The following ZNF536 variants were observed in gnomAD, a reference collection of about 807,000 sequenced individuals.
The protein encoded by ZNF536 is zinc finger protein 536.
A neutral mutation model predicts 84.5 loss-of-function variants in ZNF536; 13 were observed. The observed-to-expected ratio is 0.15, with a 90% CI of 0.10 to 0.24. The LOEUF (loss-of-function observed/expected upper bound fraction) is 0.24, where lower values mean the gene tolerates loss of function less well. ZNF536 is among the 10% of genes least tolerant of loss of function. The pLI, the probability that ZNF536 is intolerant of heterozygous loss-of-function variation, is 1.00. For synonymous variants in ZNF536, 811 were observed against 742.5 expected, an observed-to-expected ratio of 1.09 and a Z score of -1.50; for missense variants, 1,536 against 1,747.5, an observed-to-expected ratio of 0.88 and a Z score of 2.16.
chr19:30,264,530 A>G (rs2025400173), intron 1 of ZNF536, among the ~76,000 whole-genome samples: 2 of 152,178 alleles, frequency 1.3e-5, no homozygotes, highest in Non-Finnish European at 2.9e-5. Flanking sequence ...TGGATTTTGT[A>G]TATGTTAAAT....
At chr19:30,348,089 C>A (rs1022375123) in intron 2 of ZNF536, among the ~76,000 whole-genome samples, 1 of 152,248 alleles carries the variant, frequency 6.6e-6, no homozygotes, top group Non-Finnish European at 1.5e-5. Context: ...TTAATTCATG[C>A]ATTTATTACT....
chr19:30,669,679 C>T (rs1009649438), intron 1 of ZNF536, among the ~76,000 whole-genome samples: 2 of 152,222 alleles, frequency 1.3e-5, no homozygotes, highest in Non-Finnish European at 2.9e-5. Flanking sequence ...CTGAAAGAAG[C>T]TTGCAGGGGG....
intron 1 of ZNF536, among the ~76,000 whole-genome samples, chr19:30,377,892 GGAGTTGC>G (rs1195858781): frequency 2.6e-5 from 4 of 152,246 alleles, no homozygotes; most frequent in African/African-American, 9.6e-5. Flanking sequence ...TATTCAAGAT[GGAGTTGC>G]TCTGGTTCAC....
At chr19:30,577,559 G>A (rs2046783467) in intron 1 of ZNF536, among the ~76,000 whole-genome samples, 1 of 151,974 alleles carries the variant, frequency 6.6e-6, no homozygotes, top group African/African-American at 2.4e-5. Flanking sequence ...TTTAGATATG[G>A]CCATGGTACA....
intron 2 of ZNF536, among the ~76,000 whole-genome samples, chr19:30,532,022 A>T (rs1243653832): frequency 6.6e-6 from 1 of 152,122 alleles, no homozygotes; most frequent in Non-Finnish European, 1.5e-5. Flanking sequence ...GCTTTATTCC[A>T]CAGTGGCTCC....
intron 1 of ZNF536, among the ~76,000 whole-genome samples, chr19:30,425,258 T>C (rs1322738731): frequency 1.4e-5 from 2 of 147,614 alleles, no homozygotes; most frequent in Admixed American, 6.7e-5. Flanking sequence ...AAAACAAAGA[T>C]GGGAGTGCCT....
intron 1 of ZNF536, among the ~76,000 whole-genome samples, chr19:30,589,822 C>A (rs576231496): frequency 1.3e-5 from 2 of 152,002 alleles, no homozygotes; most frequent in African/African-American, 4.8e-5. Flanking sequence ...TCCAGCCTGC[C>A]CTGTGTGCAG....
intron 1 of ZNF536, among the ~76,000 whole-genome samples, chr19:30,600,898 G>A (rs998867439): frequency 2.0e-5 from 3 of 152,210 alleles, no homozygotes; most frequent in East Asian, 1.9e-4. Flanking sequence ...CTTTTGTTCC[G>A]TTGATTCCTG....
chr19:30,585,490 A>C (rs1352009600), intron 1 of ZNF536, among the ~76,000 whole-genome samples: 1 of 152,208 alleles, frequency 6.6e-6, no homozygotes, highest in Non-Finnish European at 1.5e-5. Flanking sequence ...TAGAGCCATG[A>C]CTGTGGCCCT....
At chr19:30,537,340 G>C (rs1191333485) in intron 3 of ZNF536, among the ~76,000 whole-genome samples, 1 of 152,214 alleles carries the variant, frequency 6.6e-6, no homozygotes, top group Admixed American at 6.5e-5. Context: ...CAGACTGCCA[G>C]GATACGGGAG....
Position 30,576,241 on chromosome 19 carries a change from G to A in ZNF536, c.169+26727G>A, listed in dbSNP as rs148094295. Among the ~76,000 whole-genome samples, 12 of 152,284 alleles carry A rather than the reference G, an allele frequency of 7.9e-5. No individual in the cohort carries two copies. In the East Asian group the frequency reaches 1.2e-3, roughly 15 times the overall value. On this transcript the variant is annotated intron_variant, in intron 1 of 1. Transcript: ENST00000592773. The stretch of plus-strand genomic sequence containing the variant: ...CCCATGGGTGGGAAGGTAGGAGGCC[G>A]GGAAGGAGGCTGTTGTGGTGACTGA...
chr19:30,613,829 A>G (rs1409423463), intron 1 of ZNF536, among the ~76,000 whole-genome samples: 1 of 144,858 alleles, frequency 6.9e-6, no homozygotes, highest in Non-Finnish European at 1.5e-5. Flanking sequence ...AACACATCAT[A>G]TTTGCAGTTC....
chr19:30,380,043 C>T (rs912315855), intron 1 of ZNF536, among the ~76,000 whole-genome samples: 2 of 152,186 alleles, frequency 1.3e-5, no homozygotes, highest in African/African-American at 2.4e-5. Flanking sequence ...AGGCCACCAC[C>T]GCCGAGGACA....
chr19:30,505,923 C>T (rs2055158409), intron 2 of ZNF536, among the ~76,000 whole-genome samples: 1 of 152,128 alleles, frequency 6.6e-6, no homozygotes, highest in African/African-American at 2.4e-5. Flanking sequence ...TCCTCAACCT[C>T]CCAAAGTGCT....
chr19:30,247,233 T>C (rs1284217400), intron 1 of ZNF536, among the ~76,000 whole-genome samples: 1 of 152,240 alleles, frequency 6.6e-6, no homozygotes, highest in African/African-American at 2.4e-5. Flanking sequence ...CAGTTCATAG[T>C]CAAACACAGG....
chr19:30,331,216 T>A (rs2047198498), intron 2 of ZNF536, among the ~76,000 whole-genome samples: 1 of 142,802 alleles, frequency 7.0e-6, no homozygotes, highest in African/African-American at 2.6e-5. Flanking sequence ...CCCAGGAGTT[T>A]GAGACTGCAG....
At chr19:30,450,891 G>A (rs1414513373) in intron 2 of ZNF536, among the ~76,000 whole-genome samples, 1 of 152,096 alleles carries the variant, frequency 6.6e-6, no homozygotes, top group Non-Finnish European at 1.5e-5. Flanking sequence ...CCTAATTTGG[G>A]AACTGGTTCA....
At chr19:30,265,506 C>T (rs146261818) in intron 1 of ZNF536, among the ~76,000 whole-genome samples, 6 of 152,292 alleles carry the variant, frequency 3.9e-5, no homozygotes, top group African/African-American at 7.2e-5. Flanking sequence ...GCTCCTTAAG[C>T]GCTGAGTGTG....
At chr19:30,672,753 A>G (rs1457974077) in intron 1 of ZNF536, among the ~76,000 whole-genome samples, 1 of 152,216 alleles carries the variant, frequency 6.6e-6, no homozygotes, top group East Asian at 1.9e-4. Flanking sequence ...ATTTAGGCAC[A>G]GGCAGTTTTT....
Sources: allele counts gnomAD v4.1 joint callset (sites outside exome capture counted in the v4.1 genomes callset), GRCh38; gene constraint gnomAD v4.1.1; transcripts MANE v1.5; gene names NCBI Gene and HGNC (gene_info 2026-07-23, HGNC 2026-07-21).